KDM4C: variants seen among roughly 807,000 people sequenced by gnomAD.
KDM4C encodes lysine demethylase 4C.
A neutral mutation model predicts 129.3 loss-of-function variants in KDM4C; 81 were observed. The ratio of observed to expected loss-of-function variants is 0.63; its 90% CI spans 0.52 to 0.75. The LOEUF (loss-of-function observed/expected upper bound fraction) is 0.75, where lower values mean the gene tolerates loss of function less well. KDM4C is among the 30% of genes least tolerant of loss of function. The probability of loss-of-function intolerance (pLI) is 0.00; values close to 1 mark genes in which losing one functional copy is unlikely to be tolerated. For missense variants in KDM4C, 1,457 were observed against 1,304.0 expected, an observed-to-expected ratio of 1.12 and a Z score of -1.81; for synonymous variants, 573 against 456.1, an observed-to-expected ratio of 1.26 and a Z score of -3.26.
chr9:6,952,905 C>T (rs796896143), intron 8 of KDM4C, among the ~76,000 whole-genome samples: 8 of 152,202 alleles, frequency 5.3e-5, no homozygotes, highest in South Asian at 4.1e-4. Context: ...ACAGTGAGCA[C>T]GGTTTGCAGT....
At chr9:7,148,709 A>G (rs533031609) in intron 19 of KDM4C, among the ~76,000 whole-genome samples, 1 of 152,324 alleles carries the variant, frequency 6.6e-6, no homozygotes, top group East Asian at 1.9e-4. Flanking sequence ...AGACAGAGAA[A>G]GGCTTTATTG....
chr9:6,952,950 ACTT>A (rs1828441541), intron 8 of KDM4C, among the ~76,000 whole-genome samples: 1 of 152,196 alleles, frequency 6.6e-6, no homozygotes, highest in African/African-American at 2.4e-5. Context: ...TAAAGATTTT[ACTT>A]CTTTAAATGA....
At chr9:6,779,505 T>G (rs2779736) in intron 1 of KDM4C, among the ~76,000 whole-genome samples, 126,719 of 152,084 alleles carry the variant, frequency 0.83, 53,268 homozygotes, top group African/African-American at 0.95. Context: ...ACAAACAGGT[T>G]CCACAGCAAC....
At chr9:6,994,266 A>G (rs915750679) in intron 12 of KDM4C, among the ~76,000 whole-genome samples, 2 of 151,908 alleles carry the variant, frequency 1.3e-5, no homozygotes, top group African/African-American at 2.4e-5. Context: ...GTACTATTCT[A>G]TATCCTGGGA....
chr9:6,935,479 T>A (rs1824602964), intron 8 of KDM4C, among the ~76,000 whole-genome samples: 1 of 151,888 alleles, frequency 6.6e-6, no homozygotes. Flanking sequence ...TGCAGTGGCA[T>A]GATCTCAGTT....
intron 12 of KDM4C, 25 bp from the exon 13 acceptor site, chr9:7,011,673 G>T: frequency 6.2e-7 from 1 of 1,604,048 alleles, no homozygotes; most frequent in Non-Finnish European, 8.5e-7. Flanking sequence ...CATGCTCATG[G>T]TATTTTCCTG....
At chr9:6,781,475 C>G (rs906865750) in intron 1 of KDM4C, among the ~76,000 whole-genome samples, 5 of 151,972 alleles carry the variant, frequency 3.3e-5, no homozygotes, top group Admixed American at 1.3e-4. Context: ...CATGACTGAA[C>G]CAACCTTATG....
chr9:7,034,651 T>A (rs994124551), intron 15 of KDM4C, among the ~76,000 whole-genome samples: 4 of 152,214 alleles, frequency 2.6e-5, no homozygotes, highest in Non-Finnish European at 4.4e-5. Context: ...GGCATATATG[T>A]CTCTTTGATA....
intron 6 of KDM4C, among the ~76,000 whole-genome samples, chr9:6,884,478 G>A (rs948824567): frequency 6.6e-6 from 1 of 151,830 alleles, no homozygotes; most frequent in African/African-American, 2.4e-5. Context: ...CTTAGCTTTT[G>A]TTTATATGGT....
At chr9:7,054,168 A>G (rs1830568671) in intron 17 of KDM4C, among the ~76,000 whole-genome samples, 1 of 152,210 alleles carries the variant, frequency 6.6e-6, no homozygotes, top group South Asian at 2.1e-4. Flanking sequence ...TTGTAGGATA[A>G]TAGGAGGCTA....
intron 1 of KDM4C, among the ~76,000 whole-genome samples, chr9:6,789,999 T>TGCGGTG (rs1379900144): frequency 1.3e-5 from 2 of 151,190 alleles, no homozygotes; most frequent in African/African-American, 4.8e-5. Context: ...CTAGGCTGGG[T>TGCGGTG]GCGGTGGCTC....
intron 1 of KDM4C, among the ~76,000 whole-genome samples, chr9:6,786,398 C>T (rs959947769): frequency 2.4e-4 from 36 of 152,110 alleles, no homozygotes; most frequent in Non-Finnish European, 2.5e-4. Context: ...AGGGTACTTG[C>T]TATAAATATC....
intron 4 of KDM4C, among the ~76,000 whole-genome samples, chr9:6,817,415 C>T (rs559832658): frequency 6.6e-5 from 10 of 151,956 alleles, no homozygotes; most frequent in Non-Finnish European, 1.2e-4. Flanking sequence ...ATGTTGCCCA[C>T]GCTGGTCTCA....
At chr9:7,098,840 C>T (rs1425663116) in intron 17 of KDM4C, among the ~76,000 whole-genome samples, 1 of 152,316 alleles carries the variant, frequency 6.6e-6, no homozygotes, top group Non-Finnish European at 1.5e-5. Context: ...CCAGTATTGA[C>T]ACATGAGTGA....
At chr9:6,772,675 T>G (rs1305058921) in intron 1 of KDM4C, among the ~76,000 whole-genome samples, 3 of 149,664 alleles carry the variant, frequency 2.0e-5, no homozygotes, top group African/African-American at 7.4e-5. Flanking sequence ...TTATTTTCTT[T>G]GATTTTTTTT....
chr9:6,991,825 C>G (rs1369499369), intron 12 of KDM4C, among the ~76,000 whole-genome samples: 1 of 151,416 alleles, frequency 6.6e-6, no homozygotes, highest in Admixed American at 6.6e-5. Flanking sequence ...TGCTTGAGCT[C>G]AGGAGTTTAA....
intron 1 of KDM4C, among the ~76,000 whole-genome samples, chr9:6,784,923 G>A: frequency 6.6e-6 from 1 of 152,176 alleles, no homozygotes; most frequent in East Asian, 1.9e-4. Context: ...TTCCTCCCCA[G>A]TTTAGAACCA....
chr9:7,111,576 A>G (rs1025570312), intron 18 of KDM4C, among the ~76,000 whole-genome samples: 5 of 152,174 alleles, frequency 3.3e-5, no homozygotes, highest in East Asian at 1.9e-4. Flanking sequence ...AAGCCAGGCA[A>G]TCTGACTCAG....
At chr9:7,143,850 A>G (rs1055316843) in intron 19 of KDM4C, among the ~76,000 whole-genome samples, 12 of 152,232 alleles carry the variant, frequency 7.9e-5, no homozygotes, top group African/African-American at 2.9e-4. Flanking sequence ...AAATGCTGGT[A>G]GTAATTACAC....
Sources: gnomAD v4.1 joint callset for allele counts (sites outside exome capture counted in the v4.1 genomes callset) on GRCh38, gnomAD v4.1.1 for gene constraint, MANE v1.5 for transcripts, NCBI Gene and HGNC (gene_info 2026-07-23, HGNC 2026-07-21) for gene names.